Variants in DUSP16 observed in about 807,000 individuals in gnomAD.
DUSP16 encodes the protein dual specificity phosphatase 16, also known as dual specificity protein phosphatase 16.
A neutral mutation model predicts 58.3 loss-of-function variants in DUSP16; 21 were observed. The observed-to-expected ratio is 0.36, with a 90% CI of 0.26 to 0.52. DUSP16 has a LOEUF of 0.52. Among genes scored for constraint, DUSP16 ranks in the 20% least tolerant of loss-of-function variants. DUSP16 has a pLI of 0.94. For synonymous variants in DUSP16, 320 were observed against 323.8 expected (o/e 0.99, Z 0.12); for missense variants, 726 against 819.0 (o/e 0.89, Z 1.39).
At chr12:12,556,521 G>A (rs1944808365) in intron 1 of DUSP16, among the ~76,000 whole-genome samples, 1 of 152,036 alleles carries the variant, frequency 6.6e-6, no homozygotes, top group African/African-American at 2.4e-5. Flanking sequence ...ACTACAGTGA[G>A]CTATGATTGC....
intron 4 of DUSP16, among the ~76,000 whole-genome samples, chr12:12,493,924 G>A (rs1943795063): frequency 6.6e-6 from 1 of 152,106 alleles, no homozygotes; most frequent in African/African-American, 2.4e-5. Context: ...CTTTCTCCTA[G>A]GATGTAAGCT....
chr12:12,493,665 T>C (rs1592172674), intron 4 of DUSP16, among the ~76,000 whole-genome samples: 1 of 152,198 alleles, frequency 6.6e-6, no homozygotes, highest in Non-Finnish European at 1.5e-5. Context: ...GCATACCACA[T>C]GTGCTTTGCC....
Position 12,476,949 on chromosome 12 carries a change from A to G in DUSP16, c.1882T>C (p.Cys628Arg). The change falls in exon 7 of 7, where the codon TGC becomes CGC. Residue 628 changes from cysteine (C) to arginine (R), a missense_variant. By Grantham distance (180) the Cys-to-Arg change is radical. Transcript: ENST00000298573. ...PFEKQFKRRS[C>R]QMEFGESIMS... Reference sequence around the variant, plus strand: ...ATGCTCTCTCCAAATTCCATTTGGCAGCTTCTGCGTTTAAACTGCTTTTCA... The same window carrying G: ...ATGCTCTCTCCAAATTCCATTTGGCGGCTTCTGCGTTTAAACTGCTTTTCA... The G allele has an allele frequency of 6.2e-7, 1 of 1,614,136 alleles. No homozygotes were observed. Among genetic ancestry groups the G allele is most frequent in the Non-Finnish European group, 8.5e-7 (1 of 1,180,036 alleles).
In DUSP16 at chr12:12,500,079, C is replaced by T. The variant is rs1490003080; in HGVS notation, c.531+440G>A. On this transcript the variant is annotated intron_variant, in intron 4 of 6. Transcript: ENST00000298573. Reference sequence around the variant, plus strand: ...CATCTTTTTAACACCTTTCCCCACCCCCAGCCAGCAGTCATCATGAGGACC... The same window carrying T: ...CATCTTTTTAACACCTTTCCCCACCTCCAGCCAGCAGTCATCATGAGGACC... Among the ~76,000 whole-genome samples, 6 of 152,214 alleles carry T rather than the reference C, an allele frequency of 3.9e-5. No individual in the cohort carries two copies. In the East Asian group the frequency reaches 9.7e-4, roughly 25 times the overall value.
intron 3 of DUSP16, among the ~76,000 whole-genome samples, chr12:12,501,680 G>A (rs1470491108): frequency 1.3e-5 from 2 of 152,078 alleles, no homozygotes; most frequent in South Asian, 2.1e-4. Flanking sequence ...CGGGATCCTC[G>A]TATATTTTTA....
chr12:12,517,367 T>TA (rs1401742837), intron 3 of DUSP16, among the ~76,000 whole-genome samples: 2 of 152,266 alleles, frequency 1.3e-5, no homozygotes, highest in Non-Finnish European at 2.9e-5. Flanking sequence ...AGTGACCTTG[T>TA]AACTTACAGT....
intron 6 of DUSP16, among the ~76,000 whole-genome samples, chr12:12,479,490 C>T (rs1448334438): frequency 6.6e-6 from 1 of 152,146 alleles, no homozygotes; most frequent in African/African-American, 2.4e-5. Context: ...GACCAGAGGA[C>T]CCACGTCCTC....
rs757903760 is a variant in DUSP16, at chr12:12,476,005, G to C, written c.*828C>G. The C allele has an allele frequency of 6.6e-6, 1 of 152,218 alleles. No homozygotes were observed. Among genetic ancestry groups the C allele is most frequent in the Non-Finnish European group, 1.5e-5 (1 of 68,032 alleles). The allele number at this position is 152,218 out of a possible 1,614,324, so 9.4% of individuals were successfully genotyped here. A position where few individuals can be genotyped will look rare whatever the true frequency, so the allele number is the denominator to read the frequency against. ...TAGCCTCCCAACCTTAGCTTAAATCGTGATGTTGCCAGGTTCCTGGTGGTT... is the reference window on the plus strand; with the variant it reads ...TAGCCTCCCAACCTTAGCTTAAATCCTGATGTTGCCAGGTTCCTGGTGGTT... On this transcript the variant is annotated 3_prime_UTR_variant, in exon 7 of 7. Transcript: ENST00000298573.
intron 2 of DUSP16, 123 bp from the exon 3 acceptor site, chr12:12,520,123 T>C: frequency 2.9e-6 from 3 of 1,032,558 alleles, no homozygotes; most frequent in Non-Finnish European, 2.8e-6. Flanking sequence ...AATTAATAAT[T>C]TGAATAAAAA....
Position 12,476,044 on chromosome 12 carries a change from G to C in DUSP16, c.*789C>G, listed in dbSNP as rs2136182340. The stretch of plus-strand genomic sequence containing the variant: ...TTCCTGGTGGTTCAGCTGAATCCTA[G>C]ACAGTTTCCCTTCTCTTCATAAAGC... On this transcript the variant is annotated 3_prime_UTR_variant, in exon 7 of 7. Transcript: ENST00000298573. 6.6e-6 allele frequency: 1 copy of C among 152,436 alleles called. No homozygotes were observed. The highest frequency in any genetic ancestry group is 2.1e-4 in the South Asian group (1 of 4,834). The allele number at this position is 152,436 out of a possible 1,614,324, so 9.4% of individuals were successfully genotyped here.
chr12:12,480,445 C>T (rs555121142), intron 5 of DUSP16, 99 bp from the exon 6 acceptor site: 1 of 1,423,136 alleles, frequency 7.0e-7, no homozygotes, highest in African/African-American at 1.4e-5. Context: ...ACCTGAAAAC[C>T]TCTACGCAAA....
Position 12,473,361 on chromosome 12 carries a change from G to A in DUSP16, c.*3472C>T, listed in dbSNP as rs908633484. On this transcript the variant is annotated 3_prime_UTR_variant, in exon 7 of 7. Coordinates refer to ENST00000298573, the MANE Select transcript of DUSP16 (RefSeq NM_030640.3). The stretch of plus-strand genomic sequence containing the variant: ...AGCCTGCTGAGGCTGGTCATGAAGG[G>A]GCTCCGAGCACTGTCAGCAACTGGC... Among the ~76,000 whole-genome samples the A allele has an allele frequency of 1.3e-5, 2 of 152,050 alleles. No individual in the cohort carries two copies. The highest frequency in any genetic ancestry group is 4.1e-4 in the South Asian group (2 of 4,822).
intron 1 of DUSP16, among the ~76,000 whole-genome samples, chr12:12,524,857 G>T (rs377151530): frequency 6.6e-6 from 1 of 151,974 alleles, no homozygotes; most frequent in African/African-American, 2.4e-5. Flanking sequence ...ACAGTTTATT[G>T]TGTCACTTAT....
At chr12:12,561,760 C>A (rs909517004) in intron 1 of DUSP16, among the ~76,000 whole-genome samples, 4 of 151,898 alleles carry the variant, frequency 2.6e-5, no homozygotes, top group Admixed American at 2.6e-4. Flanking sequence ...TGCCGCGTCC[C>A]GCGGCGGCCG....
At position 12,477,911 on chromosome 12, in the gene DUSP16, G is replaced by C; in HGVS notation, c.920C>G (p.Pro307Arg). Residue 307 changes from proline to arginine, a missense_variant, in exon 7 of 7, where the codon CCA (proline) becomes CGA (arginine). Coordinates refer to ENST00000298573, the MANE Select transcript of DUSP16 (RefSeq NM_030640.3). This position sits in a 1 kb window ranked among gnomAD's most constrained non-coding sequence, Gnocchi z 4.1. ...GTGCAGCAGCTTGAGTTTGCTCTTT[G>C]GCCCTGATGCTCCAGTCTGGTTCTT... ...KIKNQTGASG[P>R]KSKLKLLHLE... The C allele has an allele frequency of 6.2e-7, 1 of 1,614,194 alleles. No individual in the cohort carries two copies. Among genetic ancestry groups the C allele is most frequent in the Non-Finnish European group, 8.5e-7 (1 of 1,180,050 alleles).
chr12:12,515,614 C>CTGT (rs1338741140), intron 3 of DUSP16, among the ~76,000 whole-genome samples: 2 of 151,806 alleles, frequency 1.3e-5, no homozygotes, highest in Non-Finnish European at 2.9e-5. Flanking sequence ...AGGTGTGAGC[C>CTGT]ACCGCACCTG....
chr12:12,489,090 CACAA>C (rs1295786567), intron 4 of DUSP16, among the ~76,000 whole-genome samples: 2 of 152,052 alleles, frequency 1.3e-5, no homozygotes, highest in Admixed American at 6.5e-5. Context: ...CAAACAAACA[CACAA>C]ACAAAAAAGT....
intron 1 of DUSP16, among the ~76,000 whole-genome samples, chr12:12,544,290 A>G (rs1944607622): frequency 6.6e-6 from 1 of 152,200 alleles, no homozygotes. Context: ...GTAAGTAGCA[A>G]GAGTTTTTTC....
rs1943693775 is a variant in DUSP16, at chr12:12,486,954, T to TG, written c.691+73dup. On this transcript the variant is annotated intron_variant, in intron 5 of 6. Transcript: ENST00000298573. Reference sequence around the variant, plus strand: ...AGGCTCCTTTTCTCTAAAGAAAAAATGGGGGGCTGAGGGGGTTCACCTACA... The same window carrying TG: ...AGGCTCCTTTTCTCTAAAGAAAAAATGGGGGGGCTGAGGGGGTTCACCTACA... 3 of 1,544,952 alleles carry TG rather than the reference T, an allele frequency of 1.9e-6. 1 individual carries two copies. The South Asian group carries it at 3.4e-5, about 18-fold the overall frequency.
Sources: gnomAD v4.1 joint callset for allele counts (sites outside exome capture counted in the v4.1 genomes callset) on GRCh38, gnomAD v4.1.1 for gene constraint, Gnocchi (gnomAD v3.1) non-coding constraint, MANE v1.5 for transcripts, NCBI Gene and HGNC (gene_info 2026-07-23, HGNC 2026-07-21) for gene names.